Variants in SYNJ1 observed in about 807,000 individuals in gnomAD.
SYNJ1 encodes the protein synaptojanin 1.
In SYNJ1, 78 loss-of-function variants were observed where a neutral mutation model predicts 168.2. The observed-to-expected ratio is 0.46, with a 90% confidence interval of 0.39 to 0.56. The LOEUF (loss-of-function observed/expected upper bound fraction) is 0.56. Ranked by LOEUF, SYNJ1 falls within the 20% of genes least tolerant of loss-of-function variation. The pLI is 0.00. For synonymous variants in SYNJ1, 539 were observed against 548.6 expected (o/e 0.98, Z 0.24); for missense variants, 1,303 against 1,597.6 (o/e 0.82, Z 3.14).
intron 5 of SYNJ1, among the ~76,000 whole-genome samples, chr21:32,694,645 T>C (rs1011405960): frequency 2.6e-5 from 4 of 152,230 alleles, no homozygotes; most frequent in African/African-American, 7.2e-5. Flanking sequence ...GCTGGGTTCA[T>C]GGCCTGAATT....
chr21:32,718,714 T>A (rs1357998518), intron 2 of SYNJ1, among the ~76,000 whole-genome samples: 1 of 152,082 alleles, frequency 6.6e-6, no homozygotes, highest in Non-Finnish European at 1.5e-5. Flanking sequence ...CTACTATATT[T>A]ATCCAAAAGT....
At chr21:32,680,980 C>A (rs2041599992) in intron 11 of SYNJ1, among the ~76,000 whole-genome samples, 1 of 152,116 alleles carries the variant, frequency 6.6e-6, no homozygotes, top group African/African-American at 2.4e-5. Context: ...AAGTAAAGAT[C>A]AATTATGCCC....
At chr21:32,671,017 A>G (rs1374680045) in intron 14 of SYNJ1, among the ~76,000 whole-genome samples, 1 of 152,156 alleles carries the variant, frequency 6.6e-6, no homozygotes, top group Admixed American at 6.5e-5. Context: ...AGCTAGAAAG[A>G]GCCTATATGG....
intron 1 of SYNJ1, 120 bp downstream of exon 1, chr21:32,727,826 T>C: frequency 6.8e-7 from 1 of 1,466,454 alleles, no homozygotes; most frequent in Non-Finnish European, 9.0e-7. Flanking sequence ...CTGCTCGCGG[T>C]CGCCCCTCAC....
chr21:32,645,101 T>A, intron 25 of SYNJ1, 95 bp from the exon 26 acceptor site: 2 of 1,234,808 alleles, frequency 1.6e-6, no homozygotes, highest in Non-Finnish European at 2.3e-6. Flanking sequence ...TGACATCAAG[T>A]ATCATGCAGG....
chr21:32,650,375 A>G, intron 22 of SYNJ1, 29 bp from the exon 23 acceptor site: 1 of 1,571,480 alleles, frequency 6.4e-7, no homozygotes, highest in Non-Finnish European at 8.6e-7. Context: ...TATAAAATAA[A>G]GATTAACATG....
rs1008855665 is a variant in SYNJ1, at chr21:32,681,390, A to T, written c.1353+106T>A. The T allele has an allele frequency of 3.9e-6, 5 of 1,280,878 alleles. 1 individual carries two copies. The highest frequency in any genetic ancestry group is 2.4e-5 in the Admixed American group (1 of 41,298). The allele number at this position is 1,280,878 out of a possible 1,614,324, so 79.3% of individuals were successfully genotyped here. On this transcript the variant is annotated intron_variant, in intron 11 of 32. Transcript: ENST00000674351. ...CACATTAAACAGAATTCTAAGACAC[A>T]TCTATTAATTTAAACCATCTATTAA...
At chr21:32,643,037 T>C (rs905111201) in intron 27 of SYNJ1, among the ~76,000 whole-genome samples, 2 of 152,220 alleles carry the variant, frequency 1.3e-5, no homozygotes, top group African/African-American at 4.8e-5. Context: ...GGTTTAATTA[T>C]AATCATTAAT....
chr21:32,669,319 G>A (rs942137089), intron 15 of SYNJ1, among the ~76,000 whole-genome samples: 3 of 152,010 alleles, frequency 2.0e-5, no homozygotes, highest in African/African-American at 7.3e-5. Context: ...AAGAGCATTT[G>A]TTTTCAATGG....
intron 21 of SYNJ1, among the ~76,000 whole-genome samples, chr21:32,656,376 TG>T: frequency 6.6e-6 from 1 of 152,208 alleles, no homozygotes; most frequent in Admixed American, 6.5e-5. Context: ...CCTGGGTGGT[TG>T]GGGCTGCAGT....
In SYNJ1 at chr21:32,639,129, A is replaced by T; in HGVS notation, c.3698-4T>A. 6.2e-7 allele frequency: 1 copy of T among 1,609,542 alleles called. No homozygotes were observed. The highest frequency in any genetic ancestry group is 8.5e-7 in the Non-Finnish European group (1 of 1,177,654). On this transcript the variant is annotated splice_region_variant and splice_polypyrimidine_tract_variant and intron_variant, in intron 30 of 32. Transcript: ENST00000674351. ...GGTTCAGGAAGGAAAGTTGAACCTA[A>T]AAAACCAGTGGTTGTCAGATGTTAG...
intron 2 of SYNJ1, among the ~76,000 whole-genome samples, chr21:32,711,122 G>C (rs919507559): frequency 6.6e-6 from 1 of 152,102 alleles, no homozygotes; most frequent in Non-Finnish European, 1.5e-5. Context: ...ACAAATTCAT[G>C]CATGACTGAA....
intron 9 of SYNJ1, among the ~76,000 whole-genome samples, chr21:32,685,251 C>T (rs971869036): frequency 2.6e-5 from 4 of 151,032 alleles, no homozygotes; most frequent in African/African-American, 9.7e-5. Context: ...TGTAACCTCT[C>T]ATTATTATTT....
At chr21:32,649,789 G>A (rs2040207304) in intron 23 of SYNJ1, among the ~76,000 whole-genome samples, 1 of 152,186 alleles carries the variant, frequency 6.6e-6, no homozygotes, top group South Asian at 2.1e-4. Flanking sequence ...TCGCTCTGTT[G>A]CCCAGGCTGG....
chr21:32,663,059 T>C (rs2040779338), intron 18 of SYNJ1, among the ~76,000 whole-genome samples: 1 of 152,170 alleles, frequency 6.6e-6, no homozygotes, highest in African/African-American at 2.4e-5. Flanking sequence ...ACAAGAAATT[T>C]GTTTTTGCAA....
chr21:32,721,072 T>C (rs1454397866), intron 2 of SYNJ1, among the ~76,000 whole-genome samples: 2 of 152,224 alleles, frequency 1.3e-5, no homozygotes, highest in South Asian at 2.1e-4. Flanking sequence ...TCTTAATAAA[T>C]TGTTTCCAGG....
chr21:32,694,139 T>C, intron 6 of SYNJ1, 89 bp downstream of exon 6: 1 of 856,230 alleles, frequency 1.2e-6, no homozygotes, highest in Non-Finnish European at 1.7e-6. Context: ...AATGGAACCA[T>C]CAATGAATTA....
chr21:32,657,158 A>C, intron 19 of SYNJ1, 38 bp from the exon 20 acceptor site: 4 of 1,383,274 alleles, frequency 2.9e-6, no homozygotes, highest in Non-Finnish European at 3.1e-6. Flanking sequence ...GAGAAGCTGT[A>C]TAAGCAGGAC....
chr21:32,723,815 C>A (rs549643692), intron 2 of SYNJ1, among the ~76,000 whole-genome samples: 1 of 152,014 alleles, frequency 6.6e-6, no homozygotes, highest in South Asian at 2.1e-4. Context: ...GGTGACAGAA[C>A]AAGACCATGT....
Sources: allele counts gnomAD v4.1 joint callset (sites outside exome capture counted in the v4.1 genomes callset), GRCh38; gene constraint gnomAD v4.1.1; transcripts MANE v1.5; gene names NCBI Gene and HGNC (gene_info 2026-07-23, HGNC 2026-07-21).